Variants in GBF1 observed in about 807,000 individuals in gnomAD.
GBF1 encodes the protein Golgi-specific brefeldin A-resistance guanine nucleotide exchange factor 1.
A neutral mutation model predicts 210.5 loss-of-function variants in GBF1; 114 were observed. That is an observed-to-expected ratio of 0.54 (90% confidence interval 0.47 to 0.63). The LOEUF (loss-of-function observed/expected upper bound fraction) is 0.63. Ranked by LOEUF, GBF1 falls within the 30% of genes least tolerant of loss-of-function variation. GBF1 has a pLI of 0.00. For synonymous variants in GBF1, 850 were observed against 889.2 expected (o/e 0.96, Z 0.78); for missense variants, 1,851 against 2,357.7 (o/e 0.79, Z 4.45).
chr10:102,242,479 T>G (rs995943838), upstream of GBF1, among the ~76,000 whole-genome samples: 3 of 152,190 alleles, frequency 2.0e-5, no homozygotes, highest in Non-Finnish European at 4.4e-5. Flanking sequence ...GTGGCCTTGG[T>G]GCCTGCTGGT....
chr10:102,254,567 G>A (rs759915935), intron 1 of GBF1, among the ~76,000 whole-genome samples: 23 of 152,120 alleles, frequency 1.5e-4, no homozygotes, highest in Admixed American at 3.3e-4. Flanking sequence ...TTTGGATCCT[G>A]TTGAGGTAAC....
At chr10:102,341,328 A>G (rs1421729187) in intron 3 of GBF1, among the ~76,000 whole-genome samples, 2 of 152,246 alleles carry the variant, frequency 1.3e-5, no homozygotes, top group Non-Finnish European at 2.9e-5. Flanking sequence ...ATGTGGAGAA[A>G]CTAGAATTCT....
rs566884880 is a variant in GBF1 at position 102,290,586 on chromosome 10, C to T, written c.163+30470C>T. On this transcript the variant is annotated intron_variant, in intron 3 of 39. Coordinates refer to ENST00000369983, the MANE Select transcript of GBF1 (RefSeq NM_001377137.1). Reference sequence around the variant, plus strand: ...TGATCACAGCTCACTGCAGCCTTGACTGCCTGGGCTTAGGTGATCCTCCAT... The same window carrying T: ...TGATCACAGCTCACTGCAGCCTTGATTGCCTGGGCTTAGGTGATCCTCCAT... Among the ~76,000 whole-genome samples the T allele has an allele frequency of 2.0e-5, 3 of 152,296 alleles. No homozygotes were observed. In the South Asian group the frequency reaches 6.2e-4, roughly 32 times the overall value.
chr10:102,299,121 C>A (rs751715396), intron 3 of GBF1, among the ~76,000 whole-genome samples: 1 of 152,102 alleles, frequency 6.6e-6, no homozygotes, highest in Non-Finnish European at 1.5e-5. Context: ...ACTTTAAGTG[C>A]CTTATGAGGC....
intron 3 of GBF1, among the ~76,000 whole-genome samples, chr10:102,321,934 C>G (rs1464050089): frequency 2.0e-5 from 3 of 152,232 alleles, no homozygotes; most frequent in African/African-American, 7.2e-5. Context: ...TCACAGCTCA[C>G]TCTAGCCTCA....
In GBF1 at chr10:102,381,169, C is replaced by T. The variant is rs2060822040; in HGVS notation, c.5216C>T (p.Ser1739Leu). 5.6e-6 allele frequency: 9 copies of T among 1,613,926 alleles called. No individual in the cohort carries two copies. Among genetic ancestry groups the T allele is most frequent in the South Asian group, 1.1e-5 (1 of 91,076 alleles). Reference sequence around the variant, plus strand: ...CCTCAAGGCCAAAAGCCTCTCGCCTCAGCCCACCTGACTTCCGCTGCTGGC... The same window carrying T: ...CCTCAAGGCCAAAAGCCTCTCGCCTTAGCCCACCTGACTTCCGCTGCTGGC... ...MEPQGQKPLASAHLTSAAGDT... is the reference protein window; with the variant it reads ...MEPQGQKPLALAHLTSAAGDT... Residue 1739 changes from serine to leucine, a missense_variant, in exon 39 of 40, where the codon TCA becomes TTA. Ser to Leu is a moderately radical substitution (Grantham distance 145). Coordinates refer to ENST00000369983, the MANE Select transcript of GBF1 (RefSeq NM_001377137.1).
chr10:102,279,565 C>T (rs1294202674), intron 3 of GBF1, among the ~76,000 whole-genome samples: 1 of 152,096 alleles, frequency 6.6e-6, no homozygotes, highest in Admixed American at 6.6e-5. Flanking sequence ...TTAGGAGAAA[C>T]GTTTTCCTAT....
intron 3 of GBF1, among the ~76,000 whole-genome samples, chr10:102,337,970 C>T (rs958643411): frequency 1.3e-5 from 2 of 152,194 alleles, no homozygotes; most frequent in Admixed American, 6.5e-5. Flanking sequence ...TTCTCTTATG[C>T]TCCTGGCAAT....
chr10:102,245,444 G>A (rs2070717053), upstream of GBF1: 1 of 152,182 alleles, frequency 6.6e-6, no homozygotes, highest in Non-Finnish European at 1.5e-5. Flanking sequence ...TTGGATAGTC[G>A]GAATGCTACT....
intron 4 of GBF1, among the ~76,000 whole-genome samples, chr10:102,350,274 T>A (rs1046636107): frequency 4.6e-5 from 7 of 151,212 alleles, no homozygotes; most frequent in Non-Finnish European, 1.0e-4. Flanking sequence ...CGCTTGAACC[T>A]AGGAGACGGA....
chr10:102,334,686 G>A (rs1459764986), intron 3 of GBF1, among the ~76,000 whole-genome samples: 2 of 152,056 alleles, frequency 1.3e-5, no homozygotes, highest in Admixed American at 6.5e-5. Context: ...CGTCTCTACT[G>A]AAAATACAAA....
the GBF1 span, among the ~76,000 whole-genome samples, chr10:102,232,685 AAAC>A: frequency 9.4e-4 from 142 of 150,392 alleles, no homozygotes; most frequent in Admixed American, 7.8e-3. Flanking sequence ...CTGTCTCAAA[AAAC>A]AACAACAACA....
chr10:102,369,732 A>G lies in GBF1; in HGVS notation c.3172A>G (p.Asn1058Asp). Residue 1058 changes from asparagine (N) to aspartate (D), a missense_variant, in exon 25 of 40, where the codon AAT becomes GAT. Asn to Asp is a conservative substitution (Grantham distance 23). Coordinates refer to ENST00000369983, the MANE Select transcript of GBF1 (RefSeq NM_001377137.1). ...MIEVEDFVDP[N>D]GKISLQREET... The stretch of plus-strand genomic sequence containing the variant: ...CCAGGTAGAAGATTTCGTGGATCCC[A>G]ATGGCAAGATCTCTCTACAGCGGGA... The G allele has an allele frequency of 6.2e-7, 1 of 1,614,174 alleles. No homozygotes were observed. The highest frequency in any genetic ancestry group is 8.5e-7 in the Non-Finnish European group (1 of 1,179,992).
At position 102,382,765 on chromosome 10, in the gene GBF1, G is replaced by C. The variant is rs1353864712; in HGVS notation, c.*429G>C. 5.9e-6 allele frequency: 1 copy of C among 169,724 alleles called. No individual in the cohort carries two copies. The highest frequency in any genetic ancestry group is 2.4e-5 in the African/African-American group (1 of 42,014). 10.5% of individuals were successfully genotyped at this position (169,724 alleles called of 1,614,324 possible). A position where few individuals can be genotyped will look rare whatever the true frequency, so the allele number is the denominator to read the frequency against. Reference sequence around the variant, plus strand: ...TTTTACTAATTAGTTGGTCAGTTTGGAGAGTTGACTGGCACCATGGAGGGT... The same window carrying C: ...TTTTACTAATTAGTTGGTCAGTTTGCAGAGTTGACTGGCACCATGGAGGGT... On this transcript the variant is annotated 3_prime_UTR_variant, in exon 40 of 40. Transcript: ENST00000369983.
intron 33 of GBF1, among the ~76,000 whole-genome samples, chr10:102,377,423 G>A (rs1362541394): frequency 2.0e-5 from 3 of 151,768 alleles, no homozygotes; most frequent in South Asian, 2.1e-4. Flanking sequence ...GCGTGATCTC[G>A]GCTCACTGCA....
At chr10:102,326,899 A>G (rs2056943649) in intron 3 of GBF1, among the ~76,000 whole-genome samples, 1 of 152,028 alleles carries the variant, frequency 6.6e-6, no homozygotes, top group Non-Finnish European at 1.5e-5. Flanking sequence ...ATATAAGGAG[A>G]AAAGGTAGAG....
intron 1 of GBF1, among the ~76,000 whole-genome samples, chr10:102,258,513 T>C (rs994395120): frequency 6.7e-5 from 10 of 149,130 alleles, no homozygotes; most frequent in African/African-American, 2.4e-4. Context: ...GGCTCACGCC[T>C]GTAATCCCAG....
At chr10:102,303,976 G>C (rs1045220552) in intron 3 of GBF1, among the ~76,000 whole-genome samples, 1 of 151,524 alleles carries the variant, frequency 6.6e-6, no homozygotes, top group Admixed American at 6.6e-5. Context: ...TACCAGGACT[G>C]GGATTTTAAT....
chr10:102,332,975 C>T (rs1241957862), intron 3 of GBF1, among the ~76,000 whole-genome samples: 2 of 152,174 alleles, frequency 1.3e-5, no homozygotes, highest in East Asian at 3.8e-4. Context: ...TGCCTTCCCT[C>T]CAGGCTAGAC....
Sources: allele counts gnomAD v4.1 joint callset (sites outside exome capture counted in the v4.1 genomes callset), GRCh38; gene constraint gnomAD v4.1.1; transcripts MANE v1.5; gene names NCBI Gene and HGNC (gene_info 2026-07-23, HGNC 2026-07-21).